GSE1: variants seen among roughly 807,000 people sequenced by gnomAD.
The protein encoded by GSE1 is Gse1 coiled-coil protein, also known as genetic suppressor element 1.
Under a neutral mutation model 112.6 loss-of-function variants are expected in GSE1, and 32 were observed. The observed-to-expected ratio is 0.28, with a 90% CI of 0.21 to 0.38. The LOEUF is 0.38. Among genes scored for constraint, GSE1 ranks in the 10% least tolerant of loss-of-function variants. GSE1 has a pLI of 1.00. For synonymous variants in GSE1, 1,115 were observed against 735.6 expected, an observed-to-expected ratio of 1.52 and a Z score of -8.35; for missense variants, 2,348 against 1,699.2, an observed-to-expected ratio of 1.38 and a Z score of -6.71.
chr16:85,640,901 G>A (rs561938869), intron 2 of GSE1, among the ~76,000 whole-genome samples: 67 of 152,020 alleles, frequency 4.4e-4, no homozygotes, highest in African/African-American at 8.0e-4. Flanking sequence ...CTCCTGGCCC[G>A]GGGGCCAGAG....
At chr16:85,640,313 G>A (rs2050336607) in intron 2 of GSE1, among the ~76,000 whole-genome samples, 1 of 152,244 alleles carries the variant, frequency 6.6e-6, no homozygotes, top group Non-Finnish European at 1.5e-5. Flanking sequence ...GCCTCTCCAA[G>A]CAGGTGTTGG....
intron 2 of GSE1, among the ~76,000 whole-genome samples, chr16:85,451,228 C>T (rs1217115458): frequency 6.6e-6 from 1 of 152,212 alleles, no homozygotes; most frequent in Non-Finnish European, 1.5e-5. Flanking sequence ...CCTCCAACTG[C>T]AGAAAATTCC....
At chr16:85,227,053 ATCTG>A (rs71852955) in intron 1 of GSE1, among the ~76,000 whole-genome samples, 29,290 of 151,210 alleles carry the variant, frequency 0.19, 3,037 homozygotes, top group East Asian at 0.26. Flanking sequence ...TTCATCTTCC[ATCTG>A]TCTATTTATA....
chr16:85,180,968 G>T (rs1299473279), intron 1 of GSE1, among the ~76,000 whole-genome samples: 1 of 152,262 alleles, frequency 6.6e-6, no homozygotes, highest in Non-Finnish European at 1.5e-5. Flanking sequence ...GTATTATACT[G>T]TGGGAACCAT....
rs1979506 is a variant in GSE1 at position 85,350,286 on chromosome 16, G to C, written c.2284-7177G>C. Among the ~76,000 whole-genome samples, 9 of 152,050 alleles carry C rather than the reference G, an allele frequency of 5.9e-5. No individual in the cohort carries two copies. The South Asian group carries it at 1.2e-3, about 21-fold the overall frequency. On this transcript the variant is annotated intron_variant, in intron 1 of 2. Transcript: ENST00000637419. ...AGTGGCAGCTTGGACTCAGGCCTAC[G>C]TGTGTTTTACTCAAGATCAGCAGTG... is the stretch of plus-strand genomic sequence containing the variant.
At chr16:85,633,764 C>T (rs1404015044) in intron 1 of GSE1, 150 bp from the exon 2 acceptor site, 2 of 616,416 alleles carry the variant, frequency 3.2e-6, no homozygotes, top group Admixed American at 2.9e-5. Flanking sequence ...GCAGCGCTGG[C>T]TCTGTCCTGT....
At chr16:85,470,089 C>T (rs768847567) in intron 2 of GSE1, among the ~76,000 whole-genome samples, 16 of 152,258 alleles carry the variant, frequency 1.1e-4, no homozygotes, top group South Asian at 2.1e-4. Context: ...GTGAGGGCCA[C>T]GCTCCAGGGT....
intron 2 of GSE1, among the ~76,000 whole-genome samples, chr16:85,448,938 C>T (rs530460494): frequency 5.8e-4 from 88 of 152,286 alleles, no homozygotes; most frequent in Non-Finnish European, 1.1e-3. Flanking sequence ...GCAATTGAGT[C>T]GAAAATCCAG....
At chr16:85,302,977 A>G (rs1316450607) in intron 1 of GSE1, among the ~76,000 whole-genome samples, 3 of 152,158 alleles carry the variant, frequency 2.0e-5, no homozygotes, top group Non-Finnish European at 1.5e-5. Context: ...CCCCACTGCT[A>G]GTGATGAGCA....
intron 2 of GSE1, among the ~76,000 whole-genome samples, chr16:85,637,528 T>C (rs61737933): frequency 0.058 from 8,701 of 151,272 alleles, 832 homozygotes; most frequent in African/African-American, 0.2. Flanking sequence ...GGCTATGTAT[T>C]GAGTCCCCCC....
At chr16:85,424,912 G>A (rs62050373) in intron 2 of GSE1, among the ~76,000 whole-genome samples, 11,037 of 152,366 alleles carry the variant, frequency 0.072, 542 homozygotes, top group Middle Eastern at 0.11. Flanking sequence ...CATCATATTT[G>A]CAGAATATTT....
chr16:85,636,327 C>G (rs79709786), intron 2 of GSE1, among the ~76,000 whole-genome samples: 1 of 152,280 alleles, frequency 6.6e-6, no homozygotes, highest in East Asian at 1.9e-4. Flanking sequence ...TTGTGGGGCT[C>G]GGAGTCTGCG....
intron 2 of GSE1, among the ~76,000 whole-genome samples, chr16:85,474,565 C>A (rs529957191): frequency 9.2e-5 from 14 of 152,144 alleles, no homozygotes; most frequent in Non-Finnish European, 2.1e-4. Flanking sequence ...CCTTGGGGAA[C>A]GTGCTTGCCT....
In GSE1 at chr16:85,654,702, C is replaced by T. The variant is rs540112257; in HGVS notation, c.600-92C>T. On this transcript the variant is annotated intron_variant, in intron 4 of 15. Coordinates refer to ENST00000253458, the MANE Select transcript of GSE1 (RefSeq NM_014615.5). The stretch of plus-strand genomic sequence containing the variant: ...CAGGAGTCTGGGTGCCGACTGAGCG[C>T]CAGGGGTGATGCAGGGAGTTTAGCC... 6.2e-4 allele frequency: 528 copies of T among 849,596 alleles called. No homozygotes were observed. In the African/African-American group the frequency reaches 7.8e-3, roughly 13 times the overall value. The allele number at this position is 849,596 out of a possible 1,614,324, so 52.6% of individuals were successfully genotyped here.
chr16:85,530,581 G>A (rs1221170480), intron 2 of GSE1, among the ~76,000 whole-genome samples: 2 of 152,160 alleles, frequency 1.3e-5, no homozygotes, highest in African/African-American at 4.8e-5. Flanking sequence ...CCCAGCCTTG[G>A]GTGACATGCC....
intron 1 of GSE1, among the ~76,000 whole-genome samples, chr16:85,218,485 T>G (rs1013414385): frequency 5.3e-5 from 8 of 152,244 alleles, no homozygotes; most frequent in Non-Finnish European, 1.0e-4. Context: ...CTTCTGGGGC[T>G]GCACGTGAAA....
intron 1 of GSE1, among the ~76,000 whole-genome samples, chr16:85,343,772 G>C (rs2046673747): frequency 6.6e-6 from 1 of 152,032 alleles, no homozygotes; most frequent in Non-Finnish European, 1.5e-5. Flanking sequence ...ATTTTAAAAA[G>C]GCAAAAATCA....
At chr16:85,455,798 G>A (rs1355363244) in intron 2 of GSE1, among the ~76,000 whole-genome samples, 2 of 152,216 alleles carry the variant, frequency 1.3e-5, no homozygotes, top group African/African-American at 2.4e-5. Context: ...GCAGCTGTCT[G>A]GGGGTGAAAG....
intron 2 of GSE1, among the ~76,000 whole-genome samples, chr16:85,473,338 G>T (rs574811229): frequency 3.2e-4 from 49 of 152,312 alleles, no homozygotes; most frequent in African/African-American, 1.1e-3. Context: ...AGGAGCTGGT[G>T]GGGGAGTGGG....
Sources: gnomAD v4.1 joint callset for allele counts (sites outside exome capture counted in the v4.1 genomes callset) on GRCh38, gnomAD v4.1.1 for gene constraint, MANE v1.5 for transcripts, NCBI Gene and HGNC (gene_info 2026-07-23, HGNC 2026-07-21) for gene names.